MASP1: variants seen among roughly 807,000 people sequenced by gnomAD.
The protein encoded by MASP1 is mannan-binding lectin serine protease 1.
A neutral mutation model predicts 77.1 loss-of-function variants in MASP1; 59 were observed. That is an observed-to-expected ratio of 0.77 (90% CI 0.62 to 0.95). The LOEUF is 0.95. Among genes scored for constraint, MASP1 ranks in the 40% least tolerant of loss-of-function variants. The pLI is 0.00. For synonymous variants in MASP1, 362 were observed against 354.5 expected, an observed-to-expected ratio of 1.02 and a Z score of -0.24; for missense variants, 885 against 912.9, an observed-to-expected ratio of 0.97 and a Z score of 0.39.
At chr3:187,227,634 T>A (rs1400462158) in intron 11 of MASP1, among the ~76,000 whole-genome samples, 3 of 152,186 alleles carry the variant, frequency 2.0e-5, no homozygotes, top group Non-Finnish European at 2.9e-5. Context: ...AGCAGCTATG[T>A]GCTCCTGGGT....
chr3:187,245,816 G>A (rs912282680), intron 8 of MASP1, among the ~76,000 whole-genome samples: 2 of 152,164 alleles, frequency 1.3e-5, no homozygotes, highest in Admixed American at 6.5e-5. Flanking sequence ...TGGAGGTACC[G>A]CCCAACACCC....
In MASP1 at chr3:187,234,962, G is replaced by A. The variant is rs953444663; in HGVS notation, c.*722C>T. On this transcript the variant is annotated 3_prime_UTR_variant, in exon 11 of 11. Coordinates refer to ENST00000296280, the MANE Select transcript of MASP1 (RefSeq NM_139125.4). ...CTGAGTTGACAATGGGAATTTAAGG[G>A]CTTGGTGGGCCTCCCACGGCTATTC... 8.5e-6 allele frequency: 11 copies of A among 1,287,254 alleles called. No individual in the cohort carries two copies. In the African/African-American group the frequency reaches 1.5e-4, roughly 18 times the overall value. 79.7% of individuals were successfully genotyped at this position (1,287,254 alleles called of 1,614,324 possible).
In MASP1 at chr3:187,236,209, T is replaced by C. The variant is rs141802842; in HGVS notation, c.1662A>G (p.Ile554Met). ...DFNIQNYNHD[I>M]ALVQLQEPVP... ...CAGGCTCCTGCAGCTGCACCAGAGCTATATCGTGGTTGTAGTTTTGGATGT... is the reference window on the plus strand; with the variant it reads ...CAGGCTCCTGCAGCTGCACCAGAGCCATATCGTGGTTGTAGTTTTGGATGT... Residue 554 changes from isoleucine (I) to methionine (M), a missense_variant, in exon 11 of 11, where the codon ATA (isoleucine) becomes ATG (methionine). By Grantham distance (10) the Ile-to-Met change is conservative (BLOSUM62 1). Transcript: ENST00000296280. The C allele has an allele frequency of 8.7e-5, 140 of 1,614,010 alleles. No homozygotes were observed. The highest frequency in any genetic ancestry group is 1.2e-4 in the Non-Finnish European group (140 of 1,180,038).
chr3:187,243,983 T>C, intron 8 of MASP1: 1 of 299,084 alleles, frequency 3.3e-6, no homozygotes, highest in East Asian at 7.4e-5. Context: ...CTGCCTCTTC[T>C]GCCCAAGAAT....
At chr3:187,242,669 G>A (rs1713750807) in intron 9 of MASP1, 1 of 153,032 alleles carries the variant, frequency 6.5e-6, no homozygotes, top group South Asian at 2.1e-4. Context: ...AGCGGGTGTT[G>A]GGCTGCCACA....
At position 187,268,953 on chromosome 3, in the gene MASP1, T is replaced by A. The variant is rs576482517; in HGVS notation, c.238-6233A>T. ...GGTGGTGTGTGCCTGTAGTCCCAGCTACTCAGGAGGCTGAGGCAGAGGAAT... is the reference window on the plus strand; with the variant it reads ...GGTGGTGTGTGCCTGTAGTCCCAGCAACTCAGGAGGCTGAGGCAGAGGAAT... On this transcript the variant is annotated intron_variant, in intron 2 of 10. Transcript: ENST00000296280. Among the ~76,000 whole-genome samples, 16 of 151,738 alleles carry A rather than the reference T, an allele frequency of 1.1e-4. No individual in the cohort carries two copies. In the Middle Eastern group the frequency reaches 0.01, roughly 97 times the overall value.
chr3:187,282,220 G>A lies in MASP1; in HGVS notation c.237+3605C>T, dbSNP rs535250966. 1.2e-4 allele frequency among the ~76,000 whole-genome samples: 19 copies of A among 152,278 alleles called. No homozygotes were observed. In the East Asian group the frequency reaches 3.7e-3, roughly 29 times the overall value. ...CTGAAGATTTTCAAGAAGAAAATGT[G>A]GGCCGGGTGCAGTGGCTCACGTCTG... On this transcript the variant is annotated intron_variant, in intron 2 of 10. Transcript: ENST00000296280.
At position 187,281,728 on chromosome 3, in the gene MASP1, G is replaced by A. The variant is rs72549272; in HGVS notation, c.237+4097C>T. ...GGGGTCATCTTGGAAGTTCTGGTGA[G>A]GAGGATTGGGATTACAATTCCAGAA... On this transcript the variant is annotated intron_variant, in intron 2 of 10. Transcript: ENST00000296280. 3.7e-3 allele frequency among the ~76,000 whole-genome samples: 566 copies of A among 152,264 alleles called. 2 individuals are homozygous for A. Among genetic ancestry groups the A allele is most frequent in the African/African-American group, 0.012 (510 of 41,544 alleles).
At chr3:187,279,527 A>G (rs139392858) in intron 2 of MASP1, among the ~76,000 whole-genome samples, 268 of 152,352 alleles carry the variant, frequency 1.8e-3, no homozygotes, top group African/African-American at 6.2e-3. Context: ...CATCTGTGAA[A>G]TTAATTCAAC....
intron 7 of MASP1, 108 bp downstream of exon 7, chr3:187,251,525 CT>C: frequency 1.1e-6 from 1 of 876,936 alleles, no homozygotes; most frequent in Middle Eastern, 3.3e-4. Flanking sequence ...CTAGGAAATT[CT>C]GTGCTGGAAC....
intron 13 of MASP1, among the ~76,000 whole-genome samples, chr3:187,224,774 G>T (rs1579460067): frequency 6.6e-6 from 1 of 152,188 alleles, no homozygotes. Context: ...AAAACAGGGG[G>T]CACTTTCAGA....
intron 4 of MASP1, among the ~76,000 whole-genome samples, chr3:187,259,165 G>A (rs888679022): frequency 9.2e-5 from 14 of 152,074 alleles, no homozygotes; most frequent in African/African-American, 2.9e-4. Context: ...TTACCCTTGG[G>A]CCAGTTCATC....
At chr3:187,281,117 T>C (rs547604337) in intron 2 of MASP1, among the ~76,000 whole-genome samples, 1 of 152,350 alleles carries the variant, frequency 6.6e-6, no homozygotes, top group Admixed American at 6.5e-5. Flanking sequence ...GTATGCCTCA[T>C]CCGTACACTA....
intron 10 of MASP1, among the ~76,000 whole-genome samples, chr3:187,238,940 C>G (rs957079721): frequency 3.3e-5 from 5 of 152,116 alleles, no homozygotes; most frequent in African/African-American, 9.7e-5. Flanking sequence ...AAATTTCTGG[C>G]CTAGTCCAAT....
intron 1 of MASP1, among the ~76,000 whole-genome samples, chr3:187,288,541 T>C (rs1210520394): frequency 6.6e-6 from 1 of 152,236 alleles, no homozygotes; most frequent in African/African-American, 2.4e-5. Context: ...ACAGCACTGC[T>C]ATCAGCGTAA....
chr3:187,236,588 C>G, intron 10 of MASP1, 21 bp from the exon 11 acceptor site: 1 of 1,613,576 alleles, frequency 6.2e-7, no homozygotes, highest in Non-Finnish European at 8.5e-7. Flanking sequence ...AAAGAGGGAG[C>G]AGGGACAAGA....
At chr3:187,220,326 A>G in intron 15 of MASP1, 1 of 1,458,602 alleles carries the variant, frequency 6.9e-7, no homozygotes. Flanking sequence ...TCCTTCTCCC[A>G]TGTATGGGTT....
chr3:187,282,267 G>T (rs1442925017), intron 2 of MASP1, among the ~76,000 whole-genome samples: 1 of 152,120 alleles, frequency 6.6e-6, no homozygotes, highest in African/African-American at 2.4e-5. Flanking sequence ...GGGAGGCCGA[G>T]GTGGGAGGAT....
At chr3:187,282,282 A>G (rs933065210) in intron 2 of MASP1, among the ~76,000 whole-genome samples, 3 of 152,194 alleles carry the variant, frequency 2.0e-5, no homozygotes, top group Non-Finnish European at 4.4e-5. Context: ...GAGGATCACG[A>G]GGTCAGGAGG....
Sources: gnomAD v4.1 joint callset for allele counts (sites outside exome capture counted in the v4.1 genomes callset) on GRCh38, gnomAD v4.1.1 for gene constraint, MANE v1.5 for transcripts, NCBI Gene and HGNC (gene_info 2026-07-23, HGNC 2026-07-21) for gene names.